Variants in B3GLCT observed in about 807,000 individuals in gnomAD.
B3GLCT encodes the protein beta-1,3-glucosyltransferase.
A neutral mutation model predicts 63.4 loss-of-function variants in B3GLCT; 65 were observed. The ratio of observed to expected loss-of-function variants is 1.03; its 90% CI spans 0.84 to 1.26. B3GLCT has a LOEUF of 1.26. Among genes scored for constraint, B3GLCT ranks in the 50% most tolerant of loss-of-function variants. The pLI, the probability that B3GLCT is intolerant of heterozygous loss-of-function variation, is 0.00. For missense variants in B3GLCT, 577 were observed against 604.8 expected (o/e 0.95, Z 0.48); for synonymous variants, 233 against 219.2 (o/e 1.06, Z -0.55).
chr13:31,234,761 A>G (rs1272713854), intron 4 of B3GLCT, among the ~76,000 whole-genome samples: 1 of 152,070 alleles, frequency 6.6e-6, no homozygotes, highest in African/African-American at 2.4e-5. Flanking sequence ...TCTTTGGTAT[A>G]CAGGTGTTTA....
intron 14 of B3GLCT, among the ~76,000 whole-genome samples, chr13:31,325,725 G>A (rs945273483): frequency 3.9e-5 from 6 of 152,174 alleles, no homozygotes; most frequent in African/African-American, 1.2e-4. Context: ...GTTTGGTAAC[G>A]ATTTGGATAG....
chr13:31,268,547 G>T (rs1872436352), intron 7 of B3GLCT, among the ~76,000 whole-genome samples: 1 of 152,148 alleles, frequency 6.6e-6, no homozygotes, highest in Non-Finnish European at 1.5e-5. Flanking sequence ...CATGAGTTTG[G>T]TGTTTACAAG....
chr13:31,207,450 A>G (rs1032185847), intron 1 of B3GLCT, among the ~76,000 whole-genome samples: 1 of 152,082 alleles, frequency 6.6e-6, no homozygotes, highest in South Asian at 2.1e-4. Flanking sequence ...TTGAGTTGCA[A>G]TTTTCTGGTT....
intron 4 of B3GLCT, among the ~76,000 whole-genome samples, chr13:31,240,412 GA>G (rs1455124094): frequency 6.6e-5 from 10 of 150,788 alleles, no homozygotes; most frequent in Admixed American, 5.3e-4. Flanking sequence ...GCTGTTTGCA[GA>G]AAGTTTTGGA....
intron 12 of B3GLCT, among the ~76,000 whole-genome samples, chr13:31,292,210 G>A (rs1465077110): frequency 6.6e-6 from 1 of 152,168 alleles, no homozygotes; most frequent in East Asian, 1.9e-4. Context: ...GCTGGATTTG[G>A]TTTGCCAGTA....
At chr13:31,229,764 A>G (rs1259902571) in intron 4 of B3GLCT, among the ~76,000 whole-genome samples, 36 of 151,136 alleles carry the variant, frequency 2.4e-4, no homozygotes, top group African/African-American at 8.2e-4. Context: ...AAAAAAAGGA[A>G]AAAAACGTTT....
intron 1 of B3GLCT, 44 bp from the exon 2 acceptor site, chr13:31,215,007 T>A (rs1478444150): frequency 6.6e-7 from 1 of 1,524,230 alleles, no homozygotes; most frequent in African/African-American, 1.4e-5. Context: ...TAACCTGAAT[T>A]GCTAATTCTA....
intron 6 of B3GLCT, among the ~76,000 whole-genome samples, chr13:31,255,789 A>C (rs1473957266): frequency 6.6e-6 from 1 of 152,120 alleles, no homozygotes; most frequent in African/African-American, 2.4e-5. Context: ...ACCTTATGAA[A>C]AAATTAAAAT....
At chr13:31,237,199 G>C (rs1379505661) in intron 4 of B3GLCT, among the ~76,000 whole-genome samples, 1 of 151,970 alleles carries the variant, frequency 6.6e-6, no homozygotes, top group Non-Finnish European at 1.5e-5. Flanking sequence ...AATACTTAGG[G>C]GGCAATGATG....
intron 4 of B3GLCT, among the ~76,000 whole-genome samples, chr13:31,236,100 G>A (rs979589819): frequency 1.3e-5 from 2 of 152,172 alleles, no homozygotes; most frequent in African/African-American, 4.8e-5. Flanking sequence ...GTCCTTCAGT[G>A]TATCTGTTCT....
Position 31,229,178 on chromosome 13 carries a change from G to C in B3GLCT, c.161-7G>C. The C allele has an allele frequency of 6.6e-7, 1 of 1,523,182 alleles. No homozygotes were observed. The allele number at this position is 1,523,182 out of a possible 1,614,324, so 94.4% of individuals were successfully genotyped here. On this transcript the variant is annotated splice_polypyrimidine_tract_variant and splice_region_variant and intron_variant, in intron 3 of 14. Coordinates refer to ENST00000343307, the MANE Select transcript of B3GLCT (RefSeq NM_194318.4). ...AAATACCTGAAAACTATTTTTTTTTGTTCTAGACTTAAAAGGAATTGTATT... is the reference window on the plus strand; with the variant it reads ...AAATACCTGAAAACTATTTTTTTTTCTTCTAGACTTAAAAGGAATTGTATT...
chr13:31,266,172 G>C (rs577969909), intron 7 of B3GLCT, among the ~76,000 whole-genome samples: 117 of 151,946 alleles, frequency 7.7e-4, no homozygotes, highest in African/African-American at 2.7e-3. Context: ...TAATATTTTT[G>C]TGTTTTTAGT....
At chr13:31,288,686 C>G (rs1873476627) in intron 12 of B3GLCT, among the ~76,000 whole-genome samples, 1 of 152,088 alleles carries the variant, frequency 6.6e-6, no homozygotes, top group African/African-American at 2.4e-5. Context: ...TACAACAGCA[C>G]CAAAAATAAA....
At chr13:31,272,873 T>C (rs1872631387) in intron 8 of B3GLCT, among the ~76,000 whole-genome samples, 1 of 152,230 alleles carries the variant, frequency 6.6e-6, no homozygotes, top group African/African-American at 2.4e-5. Context: ...TCATTCCATC[T>C]TGCTTCTTAG....
chr13:31,287,438 G>T (rs1229665793), intron 12 of B3GLCT, among the ~76,000 whole-genome samples: 3 of 152,092 alleles, frequency 2.0e-5, no homozygotes, highest in Non-Finnish European at 4.4e-5. Flanking sequence ...CAATAGGGGG[G>T]ATAGTTAACC....
chr13:31,210,546 G>T (rs1263243801), intron 1 of B3GLCT, among the ~76,000 whole-genome samples: 1 of 152,152 alleles, frequency 6.6e-6, no homozygotes, highest in African/African-American at 2.4e-5. Context: ...CGTTAGCATT[G>T]TTGAAGGTGA....
chr13:31,266,756 T>C (rs775025158), intron 7 of B3GLCT, among the ~76,000 whole-genome samples: 16 of 152,180 alleles, frequency 1.1e-4, no homozygotes, highest in Non-Finnish European at 2.2e-4. Context: ...AGTCCTTCTC[T>C]GTCTCAGAAA....
intron 1 of B3GLCT, among the ~76,000 whole-genome samples, chr13:31,212,737 A>G (rs770220686): frequency 3.3e-5 from 5 of 152,234 alleles, no homozygotes; most frequent in Admixed American, 2.6e-4. Context: ...AATCAAAGTC[A>G]TGAGTTAGTT....
rs112402968 is a variant in B3GLCT, at chr13:31,215,084, A to T, written c.104A>T (p.Glu35Val). 2 of 1,610,748 alleles carry T rather than the reference A, an allele frequency of 1.2e-6. No individual in the cohort carries two copies. The highest frequency in any genetic ancestry group is 3.3e-5 in the Admixed American group (2 of 59,924). Residue 35 changes from glutamate (E) to valine (V), a missense_variant, in exon 2 of 15, where the codon GAG (glutamate) becomes GTG (valine). Physicochemically the swap from Glu to Val is moderately radical, Grantham distance 121. Transcript: ENST00000343307. ...TTGGCTTCTGAAGATACAAAGAAAG[A>T]GGTCAAGCAGTCTCAGGTACTAATC... ...FGLASEDTKK[E>V]VKQSQDLEKS...
Sources: gnomAD v4.1 joint callset for allele counts (sites outside exome capture counted in the v4.1 genomes callset) on GRCh38, gnomAD v4.1.1 for gene constraint, MANE v1.5 for transcripts, NCBI Gene and HGNC (gene_info 2026-07-23, HGNC 2026-07-21) for gene names.